Variants in RBFOX1 observed in about 807,000 individuals in gnomAD.
The protein encoded by RBFOX1 is RNA binding protein fox-1 homolog 1.
RBFOX1 carries 8 observed loss-of-function variants against 57.7 expected under a neutral mutation model. The ratio of observed to expected loss-of-function variants is 0.14; its 90% confidence interval spans 0.08 to 0.25. RBFOX1 has a LOEUF of 0.25. Among genes scored for constraint, RBFOX1 ranks in the 10% least tolerant of loss-of-function variants. The pLI is 1.00. For synonymous variants in RBFOX1, 326 were observed against 222.4 expected, an observed-to-expected ratio of 1.47 and a Z score of -4.15; for missense variants, 611 against 548.5, an observed-to-expected ratio of 1.11 and a Z score of -1.14.
intron 5 of RBFOX1, among the ~76,000 whole-genome samples, chr16:7,548,095 G>T (rs944830082): frequency 6.6e-6 from 1 of 152,168 alleles, no homozygotes; most frequent in African/African-American, 2.4e-5. Flanking sequence ...CATTTTCAGT[G>T]ACTGTTCACC....
At chr16:5,998,616 G>A (rs996686515) in intron 4 of RBFOX1, among the ~76,000 whole-genome samples, 10 of 152,152 alleles carry the variant, frequency 6.6e-5, no homozygotes, top group Middle Eastern at 3.2e-3. Flanking sequence ...TTGTGTGAGG[G>A]TGCAGAGCCA....
intron 1 of RBFOX1, among the ~76,000 whole-genome samples, chr16:5,401,897 C>G (rs1467628847): frequency 1.3e-5 from 2 of 152,026 alleles, no homozygotes; most frequent in Admixed American, 1.3e-4. Context: ...GTCTCTCTTT[C>G]TTTTCTCTAT....
intron 3 of RBFOX1, among the ~76,000 whole-genome samples, chr16:6,911,617 C>A (rs9930674): frequency 0.026 from 3,986 of 152,252 alleles, 179 homozygotes; most frequent in African/African-American, 0.092. Context: ...TTCCAAATCA[C>A]GTCTCACAGA....
chr16:7,682,570 T>G (rs1156268814), intron 14 of RBFOX1, among the ~76,000 whole-genome samples: 1 of 151,726 alleles, frequency 6.6e-6, no homozygotes. Flanking sequence ...AATCTTTTAT[T>G]TTTACTCAAC....
intron 2 of RBFOX1, among the ~76,000 whole-genome samples, chr16:6,548,382 G>C (rs2096924446): frequency 6.6e-6 from 1 of 152,090 alleles, no homozygotes; most frequent in African/African-American, 2.4e-5. Flanking sequence ...AAATTGTTGG[G>C]GGGTATGTAG....
intron 4 of RBFOX1, among the ~76,000 whole-genome samples, chr16:7,333,361 C>A (rs553635238): frequency 8.4e-4 from 128 of 152,280 alleles, no homozygotes; most frequent in African/African-American, 3.0e-3. Context: ...AGGTTGACCA[C>A]GGGGCAAAGG....
chr16:7,665,398 C>T (rs1027522874), intron 13 of RBFOX1, among the ~76,000 whole-genome samples: 2 of 152,086 alleles, frequency 1.3e-5, no homozygotes, highest in Admixed American at 6.5e-5. Flanking sequence ...CCTAAAATAT[C>T]ACAGTAGCCT....
intron 3 of RBFOX1, among the ~76,000 whole-genome samples, chr16:5,817,186 G>T (rs2055674276): frequency 6.6e-6 from 1 of 152,148 alleles, no homozygotes; most frequent in African/African-American, 2.4e-5. Context: ...CTCTGTGTGT[G>T]TGTGTTTGTG....
chr16:6,960,417 T>A (rs1340075100), intron 3 of RBFOX1, among the ~76,000 whole-genome samples: 1 of 152,144 alleles, frequency 6.6e-6, no homozygotes, highest in African/African-American at 2.4e-5. Context: ...TCCCAGGCCT[T>A]CTCCCTGTAC....
intron 4 of RBFOX1, among the ~76,000 whole-genome samples, chr16:7,188,653 A>T (rs1251692594): frequency 1.3e-5 from 2 of 152,188 alleles, no homozygotes; most frequent in East Asian, 3.9e-4. Context: ...GTCCAGTATC[A>T]TTATCCTGAG....
intron 2 of RBFOX1, among the ~76,000 whole-genome samples, chr16:6,420,864 T>C (rs954091240): frequency 1.3e-5 from 2 of 152,162 alleles, no homozygotes; most frequent in Non-Finnish European, 1.5e-5. Flanking sequence ...GAGGGTGACA[T>C]AGTGCAAGGA....
Position 6,164,692 on chromosome 16 carries a change from G to C in RBFOX1, c.-127+144700G>C, listed in dbSNP as rs1385873685. 2.0e-5 allele frequency among the ~76,000 whole-genome samples: 3 copies of C among 151,852 alleles called. No homozygotes were observed. The East Asian group carries it at 5.8e-4, about 29-fold the overall frequency. ...TGGAGTTTTGCTATTTGGCCGGGCT[G>C]GTCTCGAATTTCTGACCTCTGGTGA... On this transcript the variant is annotated intron_variant, in intron 1 of 15. Coordinates refer to ENST00000550418, the MANE Select transcript of RBFOX1 (RefSeq NM_018723.4).
chr16:6,373,956 C>T (rs142445927), intron 2 of RBFOX1, among the ~76,000 whole-genome samples: 3 of 152,252 alleles, frequency 2.0e-5, no homozygotes, highest in East Asian at 1.9e-4. Context: ...CTTTCAGGAA[C>T]AGGAATGGAT....
chr16:5,645,164 A>G (rs780782811), intron 3 of RBFOX1, among the ~76,000 whole-genome samples: 33 of 151,998 alleles, frequency 2.2e-4, no homozygotes, highest in Admixed American at 5.9e-4. Flanking sequence ...CAGGAGAATC[A>G]CTTGAACCTA....
chr16:5,496,639 C>G lies in RBFOX1; in HGVS notation c.258+29385C>G, dbSNP rs1480185995. Among the ~76,000 whole-genome samples the G allele has an allele frequency of 7.9e-5, 12 of 152,116 alleles. No homozygotes were observed. The South Asian group carries it at 2.5e-3, about 32-fold the overall frequency. On this transcript the variant is annotated intron_variant, in intron 2 of 2. Transcript: ENST00000585867. ...GGCTGGATCATAGCAAGCAAACGCC[C>G]AATAAACGAGGGAGAGTGAGGAGGA...
intron 1 of RBFOX1, among the ~76,000 whole-genome samples, chr16:5,337,673 A>G (rs904014848): frequency 6.6e-6 from 1 of 152,240 alleles, no homozygotes; most frequent in Non-Finnish European, 1.5e-5. Flanking sequence ...TTAATTGGTG[A>G]TGTAAATCTG....
chr16:6,482,295 T>C (rs1408624712), intron 2 of RBFOX1, among the ~76,000 whole-genome samples: 1 of 152,222 alleles, frequency 6.6e-6, no homozygotes, highest in African/African-American at 2.4e-5. Context: ...GCCATCTTAG[T>C]GCACACAGCT....
intron 3 of RBFOX1, among the ~76,000 whole-genome samples, chr16:5,656,305 T>G (rs1215709207): frequency 6.6e-6 from 1 of 152,206 alleles, no homozygotes; most frequent in East Asian, 1.9e-4. Flanking sequence ...CAGCACTCAG[T>G]GCAGAGGCGA....
intron 2 of RBFOX1, among the ~76,000 whole-genome samples, chr16:6,477,394 G>A (rs904773763): frequency 4.6e-5 from 7 of 152,124 alleles, no homozygotes; most frequent in African/African-American, 7.2e-5. Context: ...TAACAGGCAC[G>A]AACAGAACAC....
Sources: gnomAD v4.1 joint callset for allele counts (sites outside exome capture counted in the v4.1 genomes callset) on GRCh38, gnomAD v4.1.1 for gene constraint, MANE v1.5 for transcripts, NCBI Gene and HGNC (gene_info 2026-07-23, HGNC 2026-07-21) for gene names.